Variants in MSH4 observed in about 807,000 individuals in gnomAD.
MSH4 encodes the protein mutS homolog 4, also known as mutS protein homolog 4.
A neutral mutation model predicts 113.7 loss-of-function variants in MSH4; 106 were observed. The observed-to-expected ratio is 0.93, with a 90% confidence interval of 0.80 to 1.10. The LOEUF is 1.10. MSH4 is among the 50% of genes least tolerant of loss of function. MSH4 has a pLI of 0.00. For synonymous variants in MSH4, 368 were observed against 380.2 expected (o/e 0.97, Z 0.37); for missense variants, 1,061 against 1,093.7 (o/e 0.97, Z 0.42).
rs1265704647 is a variant in MSH4, at chr1:75,902,959, G to A, written c.2619+3253G>A. ...ATTTTGCTTAATTTGGTTGTCAGAA[G>A]GAGAGCTTGAAAATATTTCCTCCCC... On this transcript the variant is annotated intron_variant, in intron 19 of 19. Transcript: ENST00000263187. 1.3e-5 allele frequency among the ~76,000 whole-genome samples: 2 copies of A among 150,628 alleles called. 1 individual carries two copies. Among genetic ancestry groups the A allele is most frequent in the African/African-American group, 4.9e-5 (2 of 41,156 alleles).
At chr1:75,868,356 C>T (rs1651634386) in intron 9 of MSH4, among the ~76,000 whole-genome samples, 1 of 152,150 alleles carries the variant, frequency 6.6e-6, no homozygotes, top group South Asian at 2.1e-4. Context: ...ACCCAATCCT[C>T]ATCAAACTTC....
chr1:75,822,811 GT>G (rs146516918), intron 7 of MSH4, among the ~76,000 whole-genome samples: 119 of 149,964 alleles, frequency 7.9e-4, no homozygotes, highest in African/African-American at 2.8e-3. Flanking sequence ...ATTTTTTTCT[GT>G]TTTTTTTTGT....
intron 2 of MSH4, 118 bp from the exon 3 acceptor site, chr1:75,806,859 GCTAA>G (rs1650078693): frequency 8.8e-6 from 7 of 795,066 alleles, no homozygotes; most frequent in Non-Finnish European, 1.3e-5. Context: ...GAAATAAGAG[GCTAA>G]CTGATATCTA....
chr1:75,840,008 G>T (rs1650917961), intron 7 of MSH4, among the ~76,000 whole-genome samples: 1 of 148,666 alleles, frequency 6.7e-6, no homozygotes, highest in Admixed American at 6.7e-5. Context: ...TCATTAAAAA[G>T]TCAGGAAACA....
intron 7 of MSH4, among the ~76,000 whole-genome samples, chr1:75,827,310 C>T (rs1055220705): frequency 6.6e-6 from 1 of 152,096 alleles, no homozygotes. Flanking sequence ...CACCATCAGG[C>T]CTGCCTTGCA....
At chr1:75,884,386 C>A (rs1380052415) in intron 15 of MSH4, among the ~76,000 whole-genome samples, 2 of 152,058 alleles carry the variant, frequency 1.3e-5, no homozygotes, top group African/African-American at 4.8e-5. Context: ...CCCAGCTTAA[C>A]TCCTAATTCT....
intron 12 of MSH4, among the ~76,000 whole-genome samples, chr1:75,879,750 C>T (rs1651891352): frequency 6.6e-6 from 1 of 152,076 alleles, no homozygotes; most frequent in Non-Finnish European, 1.5e-5. Context: ...ATGCGTGTTA[C>T]TTGGTAATAA....
At chr1:75,811,102 C>T (rs916808603) in intron 4 of MSH4, among the ~76,000 whole-genome samples, 1 of 152,096 alleles carries the variant, frequency 6.6e-6, no homozygotes, top group African/African-American at 2.4e-5. Context: ...AAACTCCTGA[C>T]CTCAAGTGAT....
At chr1:75,822,046 C>T (rs1650427548) in intron 6 of MSH4, among the ~76,000 whole-genome samples, 1 of 152,056 alleles carries the variant, frequency 6.6e-6, no homozygotes, top group African/African-American at 2.4e-5. Flanking sequence ...CTTTGGGAGG[C>T]CAAGGCAGGC....
intron 1 of MSH4, among the ~76,000 whole-genome samples, chr1:75,798,939 C>T (rs1359922356): frequency 1.3e-5 from 2 of 152,140 alleles, no homozygotes; most frequent in South Asian, 2.1e-4. Context: ...CTTATCATGT[C>T]CCTTGCCACT....
intron 9 of MSH4, among the ~76,000 whole-genome samples, chr1:75,873,710 G>T (rs1299022226): frequency 6.6e-6 from 1 of 151,870 alleles, no homozygotes; most frequent in East Asian, 1.9e-4. Context: ...ATGGCCTCCA[G>T]CTCCATCCAT....
At chr1:75,826,149 A>T (rs931275771) in intron 7 of MSH4, among the ~76,000 whole-genome samples, 8 of 152,078 alleles carry the variant, frequency 5.3e-5, no homozygotes, top group Non-Finnish European at 1.0e-4. Flanking sequence ...AGAACTTGTT[A>T]TTGGTCTAGT....
intron 7 of MSH4, among the ~76,000 whole-genome samples, chr1:75,834,889 T>A (rs577693405): frequency 6.6e-6 from 1 of 152,318 alleles, no homozygotes; most frequent in East Asian, 1.9e-4. Context: ...AACCTGCACG[T>A]TGTGCACATG....
At chr1:75,798,136 T>C (rs1649858720) in intron 1 of MSH4, among the ~76,000 whole-genome samples, 1 of 152,126 alleles carries the variant, frequency 6.6e-6, no homozygotes, top group Admixed American at 6.5e-5. Flanking sequence ...TCTTAATTTC[T>C]TTATTTTTAG....
At chr1:75,832,405 A>G (rs1650719374) in intron 7 of MSH4, among the ~76,000 whole-genome samples, 1 of 152,206 alleles carries the variant, frequency 6.6e-6, no homozygotes, top group Non-Finnish European at 1.5e-5. Flanking sequence ...GATCAATAGA[A>G]AAAGAGGGAA....
At position 75,881,292 on chromosome 1, in the gene MSH4, T is replaced by C. The variant is rs901321754; in HGVS notation, c.1828T>C (p.Leu610=). The C allele has an allele frequency of 2.5e-6, 4 of 1,609,146 alleles. No homozygotes were observed. Among genetic ancestry groups the C allele is most frequent in the Non-Finnish European group, 3.4e-6 (4 of 1,176,450 alleles). The change falls in exon 14 of 20, where the codon TTA becomes CTA. Residue 610 remains leucine (L), a synonymous_variant. Coordinates refer to ENST00000263187, the MANE Select transcript of MSH4 (RefSeq NM_002440.4). ...LSEIYEHIHC[L]YKLSDTVSML... ...TGAGATTTATGAACATATTCATTGC[T>C]TATATAAACTATCTGACACTGTGTC...
In MSH4 at chr1:75,817,495, A is replaced by G. The variant is rs563506838; in HGVS notation, c.989+949A>G. Among the ~76,000 whole-genome samples the G allele has an allele frequency of 3.9e-4, 59 of 152,324 alleles. 1 individual carries two copies. The South Asian group carries it at 0.012, about 31-fold the overall frequency. ...ACCTTGTCATGTTTCACACTTTATC[A>G]TTGTCAAACATTGTTTGACTTCCTG... is the stretch of plus-strand genomic sequence containing the variant. On this transcript the variant is annotated intron_variant, in intron 6 of 19. Coordinates refer to ENST00000263187, the MANE Select transcript of MSH4 (RefSeq NM_002440.4).
chr1:75,807,120 A>T lies in MSH4; in HGVS notation c.567A>T (p.Ala189=), dbSNP rs1414266049. The T allele has an allele frequency of 6.4e-7, 1 of 1,570,284 alleles. No individual in the cohort carries two copies. Among genetic ancestry groups the T allele is most frequent in the Non-Finnish European group, 8.6e-7 (1 of 1,167,252 alleles). The change falls in exon 3 of 20, where the codon GCA becomes GCT. Residue 189 remains alanine (A), a synonymous_variant. Coordinates refer to ENST00000263187, the MANE Select transcript of MSH4 (RefSeq NM_002440.4). ...KNPQIILSQF[A]DNTTYAKVIT... is the part of the protein sequence containing the mutation. ...CCCAAATTATACTATCCCAGTTTGC[A>T]GACAACACAACATATGCAAAGGTAA...
intron 11 of MSH4, 64 bp downstream of exon 11, chr1:75,878,382 C>G: frequency 7.7e-7 from 1 of 1,299,842 alleles, no homozygotes; most frequent in Non-Finnish European, 1.0e-6. Flanking sequence ...ACATGCTGTC[C>G]TTTTTTGCTG....
Sources: allele counts gnomAD v4.1 joint callset (sites outside exome capture counted in the v4.1 genomes callset), GRCh38; gene constraint gnomAD v4.1.1; transcripts MANE v1.5; gene names NCBI Gene and HGNC (gene_info 2026-07-23, HGNC 2026-07-21).